The following DPY19L1 variants were observed in gnomAD, a reference collection of about 807,000 sequenced individuals.
DPY19L1 encodes the protein dpy-19 like C-mannosyltransferase 1, also known as protein C-mannosyl-transferase DPY19L1.
A neutral mutation model predicts 96.9 loss-of-function variants in DPY19L1; 35 were observed. That is an observed-to-expected ratio of 0.36 (90% CI 0.28 to 0.48). The LOEUF (loss-of-function observed/expected upper bound fraction) is 0.48, where lower values mean the gene tolerates loss of function less well. Among genes scored for constraint, DPY19L1 ranks in the 20% least tolerant of loss-of-function variants. The probability of loss-of-function intolerance (pLI) is 0.99; values close to 1 mark genes in which losing one functional copy is unlikely to be tolerated. For synonymous variants in DPY19L1, 205 were observed against 252.6 expected, an observed-to-expected ratio of 0.81 and a Z score of 1.79; for missense variants, 521 against 777.9, an observed-to-expected ratio of 0.67 and a Z score of 3.93.
At chr7:35,030,845 C>T (rs1786243092) in intron 1 of DPY19L1, among the ~76,000 whole-genome samples, 1 of 152,130 alleles carries the variant, frequency 6.6e-6, no homozygotes, top group Non-Finnish European at 1.5e-5. Context: ...GAGAACTGAT[C>T]TTCCCTATGA....
intron 7 of DPY19L1, among the ~76,000 whole-genome samples, chr7:34,983,011 T>C (rs566374729): frequency 6.6e-6 from 1 of 152,332 alleles, no homozygotes; most frequent in Non-Finnish European, 1.5e-5. Flanking sequence ...AGTTGGAGAC[T>C]GAGACAAAGA....
chr7:35,000,080 T>TA (rs1562821931), intron 6 of DPY19L1, among the ~76,000 whole-genome samples: 1 of 152,278 alleles, frequency 6.6e-6, no homozygotes, highest in Non-Finnish European at 1.5e-5. Context: ...AAATTCAGTT[T>TA]AAAAACATAC....
At chr7:34,969,349 A>C in intron 9 of DPY19L1, 84 bp downstream of exon 9, 1 of 678,332 alleles carries the variant, frequency 1.5e-6, no homozygotes, top group Non-Finnish European at 2.2e-6. Flanking sequence ...GAACCATAGA[A>C]TATCTCAGTT....
At chr7:34,989,762 G>A in intron 7 of DPY19L1, 122 bp downstream of exon 7, 1 of 776,742 alleles carries the variant, frequency 1.3e-6, no homozygotes, top group Non-Finnish European at 2.0e-6. Flanking sequence ...ATGAATGCTA[G>A]TGTTTAAATT....
At chr7:35,030,735 C>T (rs924843265) in intron 1 of DPY19L1, among the ~76,000 whole-genome samples, 3 of 152,098 alleles carry the variant, frequency 2.0e-5, no homozygotes, top group Non-Finnish European at 2.9e-5. Flanking sequence ...AATCAAGCTA[C>T]AATAGTTGTA....
intron 6 of DPY19L1, among the ~76,000 whole-genome samples, chr7:34,999,674 T>C (rs1562821817): frequency 6.6e-6 from 1 of 152,044 alleles, no homozygotes; most frequent in African/African-American, 2.4e-5. Flanking sequence ...AGTGGGAGAA[T>C]TGAAATAATG....
chr7:35,033,298 A>G (rs539849931), intron 1 of DPY19L1, among the ~76,000 whole-genome samples: 115 of 151,846 alleles, frequency 7.6e-4, no homozygotes, highest in African/African-American at 2.4e-3. Context: ...TTTTTTTTCT[A>G]TCTCAGCTTG....
rs1207835209 is a variant in DPY19L1, at chr7:34,931,304, T to G, written c.*269A>C. 7.6e-6 allele frequency: 2 copies of G among 261,704 alleles called. No individual in the cohort carries two copies. The highest frequency in any genetic ancestry group is 1.4e-5 in the Non-Finnish European group (2 of 142,428). The allele number at this position is 261,704 out of a possible 1,614,324, so 16.2% of individuals were successfully genotyped here. ...TGTGTTTTCTTTATACAGGTAGCTT[T>G]GCTCACTTTAGCACAAATATTAAAG... On this transcript the variant is annotated 3_prime_UTR_variant, in exon 22 of 22. Transcript: ENST00000638088.
At chr7:35,002,325 A>T (rs1232986478) in intron 6 of DPY19L1, among the ~76,000 whole-genome samples, 2 of 152,052 alleles carry the variant, frequency 1.3e-5, no homozygotes, top group East Asian at 3.8e-4. Context: ...CTTCTTGGAA[A>T]TTAAAAGCAT....
At chr7:34,988,018 TAGCTGAAAAGTATCAAAAAG>T (rs959648144) in intron 7 of DPY19L1, 9 of 152,006 alleles carry the variant, frequency 5.9e-5, no homozygotes, top group African/African-American at 2.2e-4. Context: ...CTACACCAAG[TAGCTGAAAAGTATCAAAAAG>T]ACAATTCATC....
intron 13 of DPY19L1, 131 bp from the exon 14 acceptor site, chr7:34,950,029 T>TACC (rs1784238740): frequency 2.0e-6 from 1 of 499,850 alleles, no homozygotes; most frequent in East Asian, 3.9e-5. Flanking sequence ...CTGCTTTTGT[T>TACC]AAAGAAGGAA....
intron 1 of DPY19L1, 48 bp from the exon 2 acceptor site, chr7:35,018,644 C>A (rs144968671): frequency 6.6e-7 from 1 of 1,516,084 alleles, no homozygotes; most frequent in South Asian, 1.2e-5. Flanking sequence ...TAAACATGTT[C>A]ATCTTACAGA....
At chr7:34,936,560 A>G (rs1370366586) in intron 21 of DPY19L1, among the ~76,000 whole-genome samples, 1 of 152,254 alleles carries the variant, frequency 6.6e-6, no homozygotes, top group African/African-American at 2.4e-5. Flanking sequence ...TCAGCCTATC[A>G]TTCATTTCAT....
chr7:34,978,634 A>AG (rs1458123605), intron 7 of DPY19L1, among the ~76,000 whole-genome samples: 1 of 152,138 alleles, frequency 6.6e-6, no homozygotes, highest in Admixed American at 6.6e-5. Flanking sequence ...TATCTTGATA[A>AG]TAAGTAAGCC....
intron 7 of DPY19L1, among the ~76,000 whole-genome samples, chr7:34,989,563 A>C (rs1448629214): frequency 1.3e-5 from 2 of 151,886 alleles, no homozygotes; most frequent in East Asian, 1.9e-4. Context: ...TTGAGGCTGC[A>C]GTGAGCTATG....
At chr7:34,965,248 G>A (rs1433340683) in intron 10 of DPY19L1, among the ~76,000 whole-genome samples, 1 of 152,030 alleles carries the variant, frequency 6.6e-6, no homozygotes, top group African/African-American at 2.4e-5. Flanking sequence ...GAACCTAAAT[G>A]TCCTTCAACA....
At chr7:34,958,475 G>A (rs1637674) in intron 10 of DPY19L1, among the ~76,000 whole-genome samples, 38,627 of 152,002 alleles carry the variant, frequency 0.25, 5,227 homozygotes, top group Non-Finnish European at 0.31. Context: ...CTAGTCCTCC[G>A]AATACTGCGA....
intron 7 of DPY19L1, among the ~76,000 whole-genome samples, chr7:34,985,425 C>T (rs868216641): frequency 6.6e-6 from 1 of 152,062 alleles, no homozygotes; most frequent in Non-Finnish European, 1.5e-5. Context: ...GCAAACCACA[C>T]CTCTGATAAG....
At chr7:34,970,413 A>G (rs1459944287) in intron 8 of DPY19L1, among the ~76,000 whole-genome samples, 2 of 152,206 alleles carry the variant, frequency 1.3e-5, no homozygotes, top group African/African-American at 4.8e-5. Flanking sequence ...AAATCAACTT[A>G]TGGAATAAAA....
Sources: allele counts gnomAD v4.1 joint callset (sites outside exome capture counted in the v4.1 genomes callset), GRCh38; gene constraint gnomAD v4.1.1; transcripts MANE v1.5; gene names NCBI Gene and HGNC (gene_info 2026-07-23, HGNC 2026-07-21).